Variants in PTPRD observed in about 807,000 individuals in gnomAD.
The protein encoded by PTPRD is receptor-type tyrosine-protein phosphatase delta.
A neutral mutation model predicts 214.5 loss-of-function variants in PTPRD; 34 were observed. The ratio of observed to expected loss-of-function variants is 0.16; its 90% CI spans 0.12 to 0.21. The LOEUF (loss-of-function observed/expected upper bound fraction) is 0.21. Among genes scored for constraint, PTPRD ranks in the 10% least tolerant of loss-of-function variants. The pLI is 1.00. For missense variants in PTPRD, 2,545 were observed against 2,398.7 expected, an observed-to-expected ratio of 1.06 and a Z score of -1.27; for synonymous variants, 1,128 against 845.7, an observed-to-expected ratio of 1.33 and a Z score of -5.79.
chr9:9,049,461 A>G (rs1039504992), intron 10 of PTPRD, among the ~76,000 whole-genome samples: 1 of 152,214 alleles, frequency 6.6e-6, no homozygotes, highest in African/African-American at 2.4e-5. Flanking sequence ...CTTCTGGTTC[A>G]CAGATTTGCC....
At chr9:9,888,663 A>C (rs1016309603) in intron 5 of PTPRD, among the ~76,000 whole-genome samples, 1 of 152,102 alleles carries the variant, frequency 6.6e-6, no homozygotes, top group African/African-American at 2.4e-5. Flanking sequence ...CCATGAGCGA[A>C]AGCTTCCTGA....
chr9:10,307,520 C>T (rs1371102961), intron 3 of PTPRD, among the ~76,000 whole-genome samples: 1 of 152,018 alleles, frequency 6.6e-6, no homozygotes, highest in African/African-American at 2.4e-5. Context: ...CTACAATATA[C>T]ATGGAGGTGA....
Position 9,742,220 on chromosome 9 carries a change from CA to C in PTPRD, c.-325-7650del, listed in dbSNP as rs372554800. 1.3e-3 allele frequency among the ~76,000 whole-genome samples: 192 copies of C among 152,160 alleles called. 1 individual carries two copies. The highest frequency in any genetic ancestry group is 4.3e-3 in the African/African-American group (177 of 41,510). On this transcript the variant is annotated intron_variant, in intron 6 of 45. Transcript: ENST00000381196. ...TGTCTTCTTTTGAGAAGTGTCTGTT[CA>C]AATTAAATTAGTAAAATTGGCTGAG...
At chr9:9,836,888 G>C (rs2056912446) in intron 5 of PTPRD, among the ~76,000 whole-genome samples, 1 of 152,144 alleles carries the variant, frequency 6.6e-6, no homozygotes, top group Non-Finnish European at 1.5e-5. Flanking sequence ...TCAAGAGGTA[G>C]ATAAATTAAT....
chr9:9,544,364 T>C (rs1241654525), intron 8 of PTPRD, among the ~76,000 whole-genome samples: 1 of 151,710 alleles, frequency 6.6e-6, no homozygotes, highest in African/African-American at 2.4e-5. Context: ...GTTCCCAAAA[T>C]AATTACTTTG....
At chr9:9,936,340 G>A (rs904782085) in intron 5 of PTPRD, among the ~76,000 whole-genome samples, 1 of 151,630 alleles carries the variant, frequency 6.6e-6, no homozygotes, top group Non-Finnish European at 1.5e-5. Context: ...CTGACAAAGG[G>A]CTAATATCCA....
At chr9:10,338,346 C>T (rs949151164) in intron 3 of PTPRD, among the ~76,000 whole-genome samples, 3 of 151,608 alleles carry the variant, frequency 2.0e-5, no homozygotes, top group African/African-American at 7.3e-5. Context: ...AAATTTAATG[C>T]TCGATTTCTA....
At chr9:8,576,097 C>T (rs1225223014) in intron 14 of PTPRD, among the ~76,000 whole-genome samples, 1 of 152,194 alleles carries the variant, frequency 6.6e-6, no homozygotes, top group Admixed American at 6.5e-5. Flanking sequence ...AACTGTTTAT[C>T]TATCCTTATA....
chr9:8,826,807 A>T (rs1467241710), intron 11 of PTPRD, among the ~76,000 whole-genome samples: 3 of 152,072 alleles, frequency 2.0e-5, no homozygotes, highest in Non-Finnish European at 4.4e-5. Flanking sequence ...TTCTACAAAT[A>T]TTAAAATTTA....
intron 11 of PTPRD, among the ~76,000 whole-genome samples, chr9:8,781,466 T>A (rs1029601234): frequency 6.6e-6 from 1 of 152,138 alleles, no homozygotes; most frequent in Non-Finnish European, 1.5e-5. Context: ...GAAAAAGATA[T>A]GTCAAAAGAT....
intron 3 of PTPRD, among the ~76,000 whole-genome samples, chr9:10,337,688 T>A (rs901434513): frequency 6.6e-6 from 1 of 151,782 alleles, no homozygotes; most frequent in Non-Finnish European, 1.5e-5. Flanking sequence ...TATTTATACT[T>A]ATGTGTCAGG....
At chr9:10,259,014 G>T (rs1342097480) in intron 3 of PTPRD, among the ~76,000 whole-genome samples, 1 of 151,776 alleles carries the variant, frequency 6.6e-6, no homozygotes, top group Non-Finnish European at 1.5e-5. Flanking sequence ...CTTTTGTTTT[G>T]TTTTGTTTTT....
chr9:9,730,985 A>G (rs2098180115), intron 7 of PTPRD, among the ~76,000 whole-genome samples: 1 of 152,098 alleles, frequency 6.6e-6, no homozygotes, highest in Admixed American at 6.6e-5. Flanking sequence ...AATAAAATAC[A>G]TGAATTGGAA....
intron 11 of PTPRD, among the ~76,000 whole-genome samples, chr9:8,942,191 A>G (rs1050051427): frequency 3.3e-5 from 5 of 152,192 alleles, no homozygotes; most frequent in African/African-American, 9.6e-5. Flanking sequence ...ACCCATTGCC[A>G]GCAACTATTT....
chr9:10,456,240 G>C (rs1023630710), intron 2 of PTPRD, among the ~76,000 whole-genome samples: 1 of 151,990 alleles, frequency 6.6e-6, no homozygotes, highest in East Asian at 1.9e-4. Context: ...AATGGGTATA[G>C]TTTTAAAGTG....
At chr9:9,960,702 T>A (rs771949112) in intron 4 of PTPRD, among the ~76,000 whole-genome samples, 1 of 152,028 alleles carries the variant, frequency 6.6e-6, no homozygotes, top group East Asian at 1.9e-4. Flanking sequence ...AGTTGAGCAA[T>A]ACTCATCAAC....
intron 2 of PTPRD, among the ~76,000 whole-genome samples, chr9:10,412,603 T>C (rs544214356): frequency 2.1e-4 from 29 of 136,580 alleles, no homozygotes; most frequent in Non-Finnish European, 4.0e-4. Flanking sequence ...ACCTTGCAGA[T>C]ATACACACAC....
intron 9 of PTPRD, among the ~76,000 whole-genome samples, chr9:9,300,146 T>C (rs1954736131): frequency 6.6e-6 from 1 of 151,160 alleles, no homozygotes; most frequent in Non-Finnish European, 1.5e-5. Flanking sequence ...TACATGGTAC[T>C]TAGACTGACT....
chr9:8,479,146 C>T (rs757354201), intron 30 of PTPRD, among the ~76,000 whole-genome samples: 4 of 152,166 alleles, frequency 2.6e-5, no homozygotes, highest in African/African-American at 4.8e-5. Context: ...CAGCATGGCA[C>T]GGAGCTTCTT....
Sources: gnomAD v4.1 joint callset for allele counts (sites outside exome capture counted in the v4.1 genomes callset) on GRCh38, gnomAD v4.1.1 for gene constraint, MANE v1.5 for transcripts, NCBI Gene and HGNC (gene_info 2026-07-23, HGNC 2026-07-21) for gene names.